The following HOMER1 variants were observed in gnomAD, a reference collection of about 807,000 sequenced individuals.
HOMER1 encodes the protein homer protein homolog 1.
In HOMER1, 3 loss-of-function variants were observed where a neutral mutation model predicts 48.9. The ratio of observed to expected loss-of-function variants is 0.06; its 90% CI spans 0.03 to 0.16. The LOEUF (loss-of-function observed/expected upper bound fraction) is 0.16. Ranked by LOEUF, HOMER1 falls within the 10% of genes least tolerant of loss-of-function variation. The pLI, the probability that HOMER1 is intolerant of heterozygous loss-of-function variation, is 1.00. For missense variants in HOMER1, 247 were observed against 411.4 expected (o/e 0.60, Z 3.46); for synonymous variants, 134 against 146.4 (o/e 0.92, Z 0.61).
At chr5:79,408,303 A>G (rs1749720659) in intron 5 of HOMER1, among the ~76,000 whole-genome samples, 1 of 152,212 alleles carries the variant, frequency 6.6e-6, no homozygotes, top group East Asian at 1.9e-4. Flanking sequence ...ACATAGGAAA[A>G]ATATCTTTCA....
chr5:79,385,597 T>G (rs1343720511), intron 8 of HOMER1, among the ~76,000 whole-genome samples: 1 of 152,074 alleles, frequency 6.6e-6, no homozygotes, highest in African/African-American at 2.4e-5. Context: ...GTCCTAGCAC[T>G]GTGGGAGACT....
intron 2 of HOMER1, among the ~76,000 whole-genome samples, chr5:79,456,414 T>G (rs1362076466): frequency 6.6e-6 from 1 of 152,224 alleles, no homozygotes; most frequent in African/African-American, 2.4e-5. Context: ...GTCCTTATAC[T>G]TCTCTTGAGA....
chr5:79,501,175 T>C (rs953982836), intron 1 of HOMER1, among the ~76,000 whole-genome samples: 3 of 151,944 alleles, frequency 2.0e-5, no homozygotes, highest in Non-Finnish European at 4.4e-5. Context: ...TTCACCATGT[T>C]GCCCAGGCTG....
At chr5:79,457,799 CTT>C (rs1332120257) in intron 1 of HOMER1, among the ~76,000 whole-genome samples, 1 of 152,156 alleles carries the variant, frequency 6.6e-6, no homozygotes, top group African/African-American at 2.4e-5. Context: ...TATTTGCTAA[CTT>C]AGTGTTGCTG....
chr5:79,468,458 A>G (rs1456769320), intron 1 of HOMER1, among the ~76,000 whole-genome samples: 1 of 152,238 alleles, frequency 6.6e-6, no homozygotes, highest in Admixed American at 6.5e-5. Flanking sequence ...TCACTTTTAA[A>G]AAGATAGCAT....
At chr5:79,482,333 A>G (rs1751972243) in intron 1 of HOMER1, among the ~76,000 whole-genome samples, 1 of 152,350 alleles carries the variant, frequency 6.6e-6, no homozygotes, top group East Asian at 1.9e-4. Context: ...GAAATTCAAT[A>G]AACAGAAACA....
intron 5 of HOMER1, among the ~76,000 whole-genome samples, chr5:79,420,549 G>A (rs1461592166): frequency 6.6e-6 from 1 of 152,118 alleles, no homozygotes; most frequent in Non-Finnish European, 1.5e-5. Flanking sequence ...TAATTATATA[G>A]TTATGCAATT....
At chr5:79,387,483 A>C (rs985808691) in intron 8 of HOMER1, among the ~76,000 whole-genome samples, 1 of 152,170 alleles carries the variant, frequency 6.6e-6, no homozygotes, top group Non-Finnish European at 1.5e-5. Context: ...AGAAAAATTG[A>C]CATCTGATAT....
At chr5:79,441,309 T>C (rs1233341711) in intron 4 of HOMER1, among the ~76,000 whole-genome samples, 1 of 152,142 alleles carries the variant, frequency 6.6e-6, no homozygotes, top group Non-Finnish European at 1.5e-5. Context: ...GGAAGAGCAG[T>C]AGCAGTTTGA....
At chr5:79,468,154 G>A (rs1751529003) in intron 1 of HOMER1, among the ~76,000 whole-genome samples, 1 of 152,154 alleles carries the variant, frequency 6.6e-6, no homozygotes, top group Non-Finnish European at 1.5e-5. Context: ...CTAGCCACCT[G>A]ACCACTACGC....
intron 5 of HOMER1, among the ~76,000 whole-genome samples, chr5:79,430,423 G>A (rs1750391285): frequency 6.6e-6 from 1 of 152,164 alleles, no homozygotes; most frequent in Non-Finnish European, 1.5e-5. Flanking sequence ...ATCTGCTAGT[G>A]GGAATGCAAA....
At chr5:79,491,830 G>A (rs1752287408) in intron 1 of HOMER1, among the ~76,000 whole-genome samples, 1 of 151,738 alleles carries the variant, frequency 6.6e-6, no homozygotes, top group Non-Finnish European at 1.5e-5. Context: ...AAGCAAACTT[G>A]TTTATTTTAA....
At chr5:79,482,979 G>A (rs955194469) in intron 1 of HOMER1, among the ~76,000 whole-genome samples, 4 of 151,948 alleles carry the variant, frequency 2.6e-5, no homozygotes, top group Non-Finnish European at 5.9e-5. Context: ...CTCCAGCCTC[G>A]ACAACAGGTC....
intron 5 of HOMER1, among the ~76,000 whole-genome samples, chr5:79,422,908 G>A (rs887634134): frequency 2.9e-5 from 4 of 139,712 alleles, no homozygotes; most frequent in Non-Finnish European, 6.1e-5. Context: ...GAAACATGAA[G>A]AACAACAAAG....
chr5:79,476,072 C>A (rs140266743), intron 1 of HOMER1, among the ~76,000 whole-genome samples: 1 of 152,226 alleles, frequency 6.6e-6, no homozygotes, highest in African/African-American at 2.4e-5. Flanking sequence ...TACCTGACAA[C>A]AGTAATAGCA....
chr5:79,410,523 AT>A (rs1364530097), intron 5 of HOMER1, among the ~76,000 whole-genome samples: 1 of 151,140 alleles, frequency 6.6e-6, no homozygotes, highest in Non-Finnish European at 1.5e-5. Context: ...AAGAAATAGA[AT>A]TTAGGAAGTA....
chr5:79,383,895 C>T (rs1277414455), intron 8 of HOMER1, among the ~76,000 whole-genome samples: 5 of 151,956 alleles, frequency 3.3e-5, no homozygotes, highest in Non-Finnish European at 1.5e-5. Flanking sequence ...AAACTACATG[C>T]TCCTGAGCAA....
intron 5 of HOMER1, among the ~76,000 whole-genome samples, chr5:79,428,731 A>T (rs993621903): frequency 6.6e-6 from 1 of 152,206 alleles, no homozygotes; most frequent in East Asian, 1.9e-4. Context: ...ACAAAAGAAG[A>T]AAATCTATAC....
At position 79,439,077 on chromosome 5, in the gene HOMER1, G is replaced by T; in HGVS notation, c.460C>A (p.Pro154Thr). The stretch of plus-strand genomic sequence containing the variant: ...GGCTCTGAGTTCTGTGTCACATCAG[G>T]TGTTCTTTCATCATCTGTCCCGTTG... ...SINGTDDERTPDVTQNSEPRA... is the reference protein window; with the variant it reads ...SINGTDDERTTDVTQNSEPRA... Residue 154 changes from proline to threonine, a missense_variant, in exon 5 of 9, where the codon CCT becomes ACT. By Grantham distance (38) the Pro-to-Thr change is conservative. This residue lies in a region of HOMER1 where 94 missense variants were observed against 112.4 expected (regional missense o/e 0.84). Coordinates refer to ENST00000334082, the MANE Select transcript of HOMER1 (RefSeq NM_004272.5). 1 of 1,613,666 alleles carries T rather than the reference G, an allele frequency of 6.2e-7. No homozygotes were observed.
Sources: allele counts gnomAD v4.1 joint callset (sites outside exome capture counted in the v4.1 genomes callset), GRCh38; gene constraint gnomAD v4.1.1; regional missense constraint gnomAD v4.1.1; transcripts MANE v1.5; gene names NCBI Gene and HGNC (gene_info 2026-07-23, HGNC 2026-07-21).